CMAS: variants seen among roughly 807,000 people sequenced by gnomAD.
CMAS encodes N-acylneuraminate cytidylyltransferase.
Under a neutral mutation model 53.4 loss-of-function variants are expected in CMAS, and 21 were observed. The ratio of observed to expected loss-of-function variants is 0.39; its 90% CI spans 0.28 to 0.57. CMAS has a LOEUF of 0.57. Ranked by LOEUF, CMAS falls within the 20% of genes least tolerant of loss-of-function variation. The pLI is 0.56. For synonymous variants in CMAS, 189 were observed against 195.2 expected (o/e 0.97, Z 0.27); for missense variants, 384 against 534.9 (o/e 0.72, Z 2.78).
At chr12:22,051,569 G>T (rs1423499661) in intron 1 of CMAS, among the ~76,000 whole-genome samples, 1 of 152,106 alleles carries the variant, frequency 6.6e-6, no homozygotes, top group Admixed American at 6.5e-5. Flanking sequence ...TGGCCTGTTT[G>T]TTCACTTGCT....
At chr12:22,062,183 G>GGACT in intron 6 of CMAS, 98 bp from the exon 7 acceptor site, 1 of 1,062,358 alleles carries the variant, frequency 9.4e-7, no homozygotes, top group South Asian at 2.0e-5. Context: ...TTTGTGATTT[G>GGACT]GACTGTCTAC....
chr12:22,053,873 C>T (rs542038162), intron 1 of CMAS, among the ~76,000 whole-genome samples: 157 of 146,436 alleles, frequency 1.1e-3, no homozygotes, highest in Middle Eastern at 3.5e-3. Flanking sequence ...AGCGAGACTC[C>T]GTCTCAAAAC....
chr12:22,049,458 T>G (rs1041307257), intron 1 of CMAS, among the ~76,000 whole-genome samples: 1 of 152,196 alleles, frequency 6.6e-6, no homozygotes, highest in Non-Finnish European at 1.5e-5. Flanking sequence ...TTAGCATTTG[T>G]ACAAAACTTC....
intron 1 of CMAS, among the ~76,000 whole-genome samples, chr12:22,053,078 G>C (rs1950246263): frequency 6.6e-6 from 1 of 152,096 alleles, no homozygotes. Flanking sequence ...AGGGTCACTT[G>C]AGGTCAGGAG....
rs1565530930 is a variant in CMAS at position 22,058,560 on chromosome 12, CT to C, written c.560-3del. 6.2e-7 allele frequency: 1 copy of C among 1,605,680 alleles called. No homozygotes were observed. The highest frequency in any genetic ancestry group is 8.5e-7 in the Non-Finnish European group (1 of 1,176,910). On this transcript the variant is annotated splice_polypyrimidine_tract_variant and splice_region_variant and intron_variant, in intron 3 of 7. Coordinates refer to ENST00000229329, the MANE Select transcript of CMAS (RefSeq NM_018686.6). ...AACGTGGACTTACTCTAACTTTTTG[CT>C]TTTAGTTCGTGAAGTGACCGAACCT...
chr12:22,047,684 G>A (rs986264463), intron 1 of CMAS, among the ~76,000 whole-genome samples: 16 of 152,196 alleles, frequency 1.1e-4, no homozygotes, highest in Admixed American at 2.0e-4. Context: ...GGAAGTGTGC[G>A]AAGGAGAGAT....
At chr12:22,052,162 A>G (rs1389405164) in intron 1 of CMAS, among the ~76,000 whole-genome samples, 1 of 152,216 alleles carries the variant, frequency 6.6e-6, no homozygotes. Context: ...CACTGAAAAG[A>G]GCGTAGTTAC....
At position 22,062,272 on chromosome 12, in the gene CMAS, TTTTTTAA is replaced by T. The variant is rs759259343; in HGVS notation, c.961-8_961-2del. On this transcript the variant is annotated splice_acceptor_variant and splice_polypyrimidine_tract_variant and intron_variant, in intron 6 of 7. Transcript: ENST00000229329. LOFTEE classifies it high-confidence loss of function. The stretch of plus-strand genomic sequence containing the variant: ...TCTTCCTCCAATCCTTTTTTTTTTT[TTTTTTAA>T]GGTGAGGCTAATCTCAGAAAGGGCC... 3 of 1,552,892 alleles carry T rather than the reference TTTTTTAA, an allele frequency of 1.9e-6. No homozygotes were observed. The highest frequency in any genetic ancestry group is 2.6e-6 in the Non-Finnish European group (3 of 1,158,348).
chr12:22,055,768 A>C (rs1184887814), intron 3 of CMAS, among the ~76,000 whole-genome samples, 158 bp downstream of exon 3: 1 of 152,186 alleles, frequency 6.6e-6, no homozygotes, highest in African/African-American at 2.4e-5. Context: ...ATCAGCTGTA[A>C]ATCTGTTATC....
Position 22,046,324 on chromosome 12 carries a change from G to T in CMAS, c.21G>T (p.Gly7=). MDSVEK[G]AATSVSNPRG... is the part of the protein sequence containing the mutation. The stretch of plus-strand genomic sequence containing the variant: ...GGAAGATGGACTCGGTGGAGAAGGG[G>T]GCCGCCACCTCCGTCTCCAACCCGC... The change falls in exon 1 of 8, where the codon GGG becomes GGT. Residue 7 remains glycine, a synonymous_variant. Transcript: ENST00000229329. 6.7e-7 allele frequency: 1 copy of T among 1,490,918 alleles called. No individual in the cohort carries two copies. The highest frequency in any genetic ancestry group is 1.3e-5 in the South Asian group (1 of 75,350). The allele number at this position is 1,490,918 out of a possible 1,614,324, so 92.4% of individuals were successfully genotyped here. A position where few individuals can be genotyped will look rare whatever the true frequency, so the allele number is the denominator to read the frequency against.
Position 22,065,359 on chromosome 12 carries a change from G to T in CMAS, c.*48G>T. ...AAAATGATACAGCCTTCTTCAGCCAGTTTGCTTTTATTTTTGATTAAGTAA... is the reference window on the plus strand; with the variant it reads ...AAAATGATACAGCCTTCTTCAGCCATTTTGCTTTTATTTTTGATTAAGTAA... On this transcript the variant is annotated 3_prime_UTR_variant, in exon 8 of 8. Transcript: ENST00000229329. 6.8e-7 allele frequency: 1 copy of T among 1,474,768 alleles called. No homozygotes were observed. The highest frequency in any genetic ancestry group is 1.2e-5 in the South Asian group (1 of 82,822). 91.4% of individuals were successfully genotyped at this position (1,474,768 alleles called of 1,614,324 possible). A position where few individuals can be genotyped will look rare whatever the true frequency, so the allele number is the denominator to read the frequency against.
intron 1 of CMAS, among the ~76,000 whole-genome samples, chr12:22,047,318 C>T (rs1950213495): frequency 6.6e-6 from 1 of 152,082 alleles, no homozygotes; most frequent in Non-Finnish European, 1.5e-5. Context: ...TGATGTTATT[C>T]ATAAAAGAAG....
rs1950307116 is a variant in CMAS at position 22,061,289 on chromosome 12, A to ATTTT, written c.798_801dup (p.Gly268PhefsTer7). The ATTTT allele has an allele frequency of 6.2e-7, 1 of 1,611,628 alleles. No individual in the cohort carries two copies. The highest frequency in any genetic ancestry group is 1.3e-5 in the African/African-American group (1 of 74,758). On this transcript the variant is annotated frameshift_variant, in exon 6 of 8. Transcript: ENST00000229329. LOFTEE classifies it high-confidence loss of function. ...ATTTTGGTTTCTTTTAGATATGGCTATTTTGGCAAAGAGAAGCTTAAGGAA... is the reference window on the plus strand; with the variant it reads ...ATTTTGGTTTCTTTTAGATATGGCTATTTTTTTTGGCAAAGAGAAGCTTAAGGAA...
Position 22,055,611 on chromosome 12 carries a change from G to A in CMAS, c.559+1G>A. 1 of 1,605,662 alleles carries A rather than the reference G, an allele frequency of 6.2e-7. No individual in the cohort carries two copies. Among genetic ancestry groups the A allele is most frequent in the Non-Finnish European group, 8.5e-7 (1 of 1,177,426 alleles). The stretch of plus-strand genomic sequence containing the variant: ...CGATGGAGTGAAATTCAGAAAGGAG[G>A]TAATCTCTTTTCAGTCTTTATTTTA... On this transcript the variant is annotated splice_donor_variant, in intron 3 of 7. Transcript: ENST00000229329. LOFTEE classifies it high-confidence loss of function.
chr12:22,058,906 T>A (rs1291442989), intron 4 of CMAS, among the ~76,000 whole-genome samples: 1 of 152,128 alleles, frequency 6.6e-6, no homozygotes, highest in African/African-American at 2.4e-5. Flanking sequence ...TCAGTAAATA[T>A]GCAAGGAATT....
At chr12:22,059,052 A>G (rs1299348653) in intron 4 of CMAS, among the ~76,000 whole-genome samples, 6 of 151,332 alleles carry the variant, frequency 4.0e-5, no homozygotes, top group East Asian at 3.9e-4. Context: ...AATAACTTCT[A>G]TTGCTTTAAA....
At chr12:22,046,668 G>A in intron 1 of CMAS, 105 bp downstream of exon 1, 2 of 1,299,448 alleles carry the variant, frequency 1.5e-6, no homozygotes, top group East Asian at 2.9e-5. Flanking sequence ...CTTGGAAGGG[G>A]GCCATCTCTC....
At chr12:22,063,443 G>A (rs780405927) in intron 7 of CMAS, among the ~76,000 whole-genome samples, 1 of 152,152 alleles carries the variant, frequency 6.6e-6, no homozygotes, top group Non-Finnish European at 1.5e-5. Context: ...TCTTTGGGAT[G>A]TTAAGCAAGC....
chr12:22,063,616 A>C (rs1490600371), intron 7 of CMAS, among the ~76,000 whole-genome samples: 1 of 151,158 alleles, frequency 6.6e-6, no homozygotes, highest in Non-Finnish European at 1.5e-5. Context: ...ATATGTGTCA[A>C]AATGTAGTGA....
Sources: allele counts gnomAD v4.1 joint callset (sites outside exome capture counted in the v4.1 genomes callset), GRCh38; gene constraint gnomAD v4.1.1; transcripts MANE v1.5; gene names NCBI Gene and HGNC (gene_info 2026-07-23, HGNC 2026-07-21).